The following CADPS variants were observed in gnomAD, a reference collection of about 807,000 sequenced individuals.
CADPS encodes calcium-dependent secretion activator 1.
In CADPS, 57 loss-of-function variants were observed where a neutral mutation model predicts 167.3. The ratio of observed to expected loss-of-function variants is 0.34; its 90% confidence interval spans 0.28 to 0.42. CADPS has a LOEUF of 0.42. CADPS is among the 20% of genes least tolerant of loss of function. The probability of loss-of-function intolerance (pLI) is 1.00; values close to 1 mark genes in which losing one functional copy is unlikely to be tolerated. For missense variants in CADPS, 1,414 were observed against 1,738.1 expected, an observed-to-expected ratio of 0.81 and a Z score of 3.32; for synonymous variants, 676 against 635.3, an observed-to-expected ratio of 1.06 and a Z score of -0.96.
intron 2 of CADPS, among the ~76,000 whole-genome samples, chr3:62,763,024 T>C (rs2085903097): frequency 6.6e-6 from 1 of 152,146 alleles, no homozygotes; most frequent in Non-Finnish European, 1.5e-5. Context: ...CTGCTGAGCA[T>C]ATATTCCCCG....
chr3:62,488,790 C>G (rs975782334), intron 21 of CADPS, among the ~76,000 whole-genome samples: 13 of 151,804 alleles, frequency 8.6e-5, no homozygotes, highest in Admixed American at 8.5e-4. Context: ...ACACCCAGCC[C>G]TTAGTTGGCA....
At position 62,445,772 on chromosome 3, in the gene CADPS, T is replaced by G. The variant is rs755590141; in HGVS notation, c.3662A>C (p.Asp1221Ala). 1 of 1,482,238 alleles carries G rather than the reference T, an allele frequency of 6.7e-7. No individual in the cohort carries two copies. The highest frequency in any genetic ancestry group is 2.5e-5 in the Admixed American group (1 of 39,818). 91.8% of individuals were successfully genotyped at this position (1,482,238 alleles called of 1,614,324 possible). The change falls in exon 27 of 30, where the codon GAT becomes GCT. Residue 1221 changes from aspartate to alanine, a missense_variant. Physicochemically the swap from Asp to Ala is moderately radical, Grantham distance 126. Transcript: ENST00000383710. ...FTVKAASKYV[D>A]VPKPGMDVAD... ...CAATTTTCAAATACTCACAGGTACATCCACATATTTGGAAGCTGCCTTCAC... is the reference window on the plus strand; with the variant it reads ...CAATTTTCAAATACTCACAGGTACAGCCACATATTTGGAAGCTGCCTTCAC...
At chr3:62,525,657 A>G (rs981918748) in intron 13 of CADPS, among the ~76,000 whole-genome samples, 2 of 145,698 alleles carry the variant, frequency 1.4e-5, no homozygotes, top group Non-Finnish European at 3.0e-5. Context: ...AAGGGTTGAG[A>G]AGCACCGGAT....
chr3:62,408,909 A>G (rs2048410453), intron 28 of CADPS, among the ~76,000 whole-genome samples: 1 of 152,208 alleles, frequency 6.6e-6, no homozygotes, highest in Non-Finnish European at 1.5e-5. Flanking sequence ...AGGACTTTAG[A>G]GTCTACTGTT....
intron 17 of CADPS, among the ~76,000 whole-genome samples, chr3:62,502,985 G>A (rs1415286610): frequency 6.6e-6 from 1 of 151,744 alleles, no homozygotes; most frequent in Middle Eastern, 3.4e-3. Context: ...CTGCTTTCTT[G>A]GCAATTCTTC....
chr3:62,528,329 T>C (rs999709918), intron 13 of CADPS, among the ~76,000 whole-genome samples: 19 of 152,176 alleles, frequency 1.2e-4, no homozygotes, highest in Non-Finnish European at 8.8e-5. Context: ...CAAGCACTCA[T>C]CTATTGGGTG....
intron 11 of CADPS, among the ~76,000 whole-genome samples, chr3:62,540,662 C>T (rs1330793870): frequency 6.6e-6 from 1 of 152,148 alleles, no homozygotes; most frequent in Admixed American, 6.6e-5. Context: ...GGACCATATG[C>T]ATTACATATG....
chr3:62,735,112 AT>A lies in CADPS; in HGVS notation c.888+18328del, dbSNP rs1220963848. Reference sequence around the variant, plus strand: ...CGCATTTTTTTGTAATAGCAAAAAAATACTTATTTCATTAAGTAAATGACGG... The same window carrying A: ...CGCATTTTTTTGTAATAGCAAAAAAAACTTATTTCATTAAGTAAATGACGG... On this transcript the variant is annotated intron_variant, in intron 3 of 29. Coordinates refer to ENST00000383710, the MANE Select transcript of CADPS (RefSeq NM_003716.4). 3.3e-5 allele frequency among the ~76,000 whole-genome samples: 5 copies of A among 152,302 alleles called. No homozygotes were observed. The East Asian group carries it at 9.6e-4, about 29-fold the overall frequency.
chr3:62,529,593 C>T (rs565780716), intron 13 of CADPS, among the ~76,000 whole-genome samples: 1 of 152,304 alleles, frequency 6.6e-6, no homozygotes, highest in East Asian at 1.9e-4. Flanking sequence ...TGCATTTCAC[C>T]TCTATCCTTA....
intron 1 of CADPS, among the ~76,000 whole-genome samples, chr3:62,843,706 A>G (rs981640502): frequency 6.6e-6 from 1 of 152,186 alleles, no homozygotes; most frequent in African/African-American, 2.4e-5. Context: ...TAGAAGGAGG[A>G]AGGAGGCAGA....
At position 62,478,533 on chromosome 3, in the gene CADPS, C is replaced by T. The variant is rs935903912; in HGVS notation, c.3174-117G>A. ...ACAGCAGCTTCAACATACAAAACAA[C>T]GTGTGTTGGCGGTGGAGGCGGGGGC... On this transcript the variant is annotated intron_variant, in intron 22 of 29. Coordinates refer to ENST00000383710, the MANE Select transcript of CADPS (RefSeq NM_003716.4). The surrounding 1 kb of genome is among the most constrained non-coding windows in gnomAD (Gnocchi z 5.7). 18 of 920,130 alleles carry T rather than the reference C, an allele frequency of 2.0e-5. No homozygotes were observed. The Admixed American group carries it at 3.3e-4, about 17-fold the overall frequency. The allele number at this position is 920,130 out of a possible 1,614,324, so 57.0% of individuals were successfully genotyped here.
chr3:62,583,393 C>T (rs1326498823), intron 8 of CADPS, among the ~76,000 whole-genome samples: 1 of 152,082 alleles, frequency 6.6e-6, no homozygotes, highest in Non-Finnish European at 1.5e-5. Flanking sequence ...CGAATATTGT[C>T]AGAATATATA....
chr3:62,862,577 A>G (rs1254783842), intron 1 of CADPS, among the ~76,000 whole-genome samples: 1 of 152,148 alleles, frequency 6.6e-6, no homozygotes, highest in African/African-American at 2.4e-5. Flanking sequence ...CATTTATTAT[A>G]TAGACAAATA....
intron 26 of CADPS, among the ~76,000 whole-genome samples, chr3:62,457,467 G>A (rs1023628706): frequency 2.6e-5 from 4 of 152,046 alleles, no homozygotes; most frequent in African/African-American, 9.7e-5. Context: ...ATGTAAAAAC[G>A]AAAAATTCTT....
intron 27 of CADPS, chr3:62,440,912 G>A (rs2056197223): frequency 6.6e-6 from 1 of 152,146 alleles, no homozygotes; most frequent in African/African-American, 2.4e-5. Context: ...GAGGGGAGTG[G>A]GTCACTATGC....
chr3:62,726,229 T>A (rs1400037809), intron 3 of CADPS, among the ~76,000 whole-genome samples: 1 of 151,850 alleles, frequency 6.6e-6, no homozygotes, highest in East Asian at 1.9e-4. Flanking sequence ...AACTCTGGCC[T>A]GGCATAAATC....
intron 1 of CADPS, among the ~76,000 whole-genome samples, chr3:62,838,106 T>C (rs1022504598): frequency 6.6e-6 from 1 of 152,182 alleles, no homozygotes; most frequent in Non-Finnish European, 1.5e-5. Flanking sequence ...TTCTGAGATC[T>C]CTACATGTGT....
chr3:62,695,275 T>C (rs2080052563), intron 3 of CADPS, among the ~76,000 whole-genome samples: 1 of 152,040 alleles, frequency 6.6e-6, no homozygotes, highest in African/African-American at 2.4e-5. Flanking sequence ...TGTTTTGCTG[T>C]TGTATGGAAA....
chr3:62,685,070 C>T (rs2077762079), intron 3 of CADPS, among the ~76,000 whole-genome samples: 1 of 151,984 alleles, frequency 6.6e-6, no homozygotes, highest in African/African-American at 2.4e-5. Context: ...TGAAAAGTCG[C>T]TATCAATGAA....
Sources: gnomAD v4.1 joint callset for allele counts (sites outside exome capture counted in the v4.1 genomes callset) on GRCh38, gnomAD v4.1.1 for gene constraint, Gnocchi (gnomAD v3.1) non-coding constraint, MANE v1.5 for transcripts, NCBI Gene and HGNC (gene_info 2026-07-23, HGNC 2026-07-21) for gene names.